The following TUSC3 variants were observed in gnomAD, a reference collection of about 807,000 sequenced individuals.
The protein encoded by TUSC3 is tumor suppressor candidate 3.
In TUSC3, 45 loss-of-function variants were observed where a neutral mutation model predicts 44.8. The ratio of observed to expected loss-of-function variants is 1.00; its 90% confidence interval spans 0.79 to 1.29. The LOEUF (loss-of-function observed/expected upper bound fraction) is 1.29, where lower values mean the gene tolerates loss of function less well. TUSC3 is among the 50% of genes most tolerant of loss of function. The pLI is 0.00. For synonymous variants in TUSC3, 212 were observed against 152.9 expected (o/e 1.39, Z -2.85); for missense variants, 519 against 437.9 (o/e 1.19, Z -1.65).
rs184474972 is a variant in TUSC3, at chr8:15,674,350, A to G, written c.798+514A>G. Reference sequence around the variant, plus strand: ...CGTTAGTAACTGCCACCGAATTCACATAACTGAGTTTGTTGCCTTCTCTTT... The same window carrying G: ...CGTTAGTAACTGCCACCGAATTCACGTAACTGAGTTTGTTGCCTTCTCTTT... On this transcript the variant is annotated intron_variant, in intron 6 of 10. Transcript: ENST00000503731. 1.1e-4 allele frequency among the ~76,000 whole-genome samples: 16 copies of G among 152,212 alleles called. No individual in the cohort carries two copies. The East Asian group carries it at 2.3e-3, about 22-fold the overall frequency.
chr8:15,781,931 C>G, the TUSC3 span, among the ~76,000 whole-genome samples: 1 of 152,080 alleles, frequency 6.6e-6, no homozygotes, highest in South Asian at 2.1e-4. Flanking sequence ...TCAGGAGTTC[C>G]AGACCACCCT....
the TUSC3 span, among the ~76,000 whole-genome samples, chr8:15,836,096 A>G: frequency 5.3e-5 from 8 of 151,870 alleles, no homozygotes; most frequent in South Asian, 1.5e-3. Context: ...TTCTGTTTGC[A>G]TTTGCTTCAT....
chr8:15,543,496 G>A (rs1327247492), intron 1 of TUSC3, among the ~76,000 whole-genome samples: 1 of 151,982 alleles, frequency 6.6e-6, no homozygotes, highest in African/African-American at 2.4e-5. Flanking sequence ...CAAACTCTCT[G>A]CATTTTAGTT....
intron 1 of TUSC3, among the ~76,000 whole-genome samples, chr8:15,587,803 T>A (rs1314598200): frequency 6.6e-6 from 1 of 152,142 alleles, no homozygotes; most frequent in Non-Finnish European, 1.5e-5. Context: ...CACATATGAT[T>A]GAGAACATAT....
At chr8:15,580,749 C>T (rs1464764279) in intron 1 of TUSC3, among the ~76,000 whole-genome samples, 49 of 125,974 alleles carry the variant, frequency 3.9e-4, no homozygotes, top group Non-Finnish European at 7.2e-4. Flanking sequence ...CTGCCCTTAA[C>T]ATTTTTTCCT....
intron 5 of TUSC3, among the ~76,000 whole-genome samples, chr8:15,671,726 C>T (rs1807954115): frequency 6.6e-6 from 1 of 152,040 alleles, no homozygotes; most frequent in Non-Finnish European, 1.5e-5. Context: ...ATGTAAGCTT[C>T]CTAATGACAG....
chr8:15,812,532 G>C, the TUSC3 span, among the ~76,000 whole-genome samples: 3 of 152,146 alleles, frequency 2.0e-5, no homozygotes, highest in Non-Finnish European at 4.4e-5. Context: ...TTAGGTCACA[G>C]GTTTCATCTA....
intron 6 of TUSC3, among the ~76,000 whole-genome samples, chr8:15,709,411 T>G (rs574166987): frequency 3.9e-5 from 6 of 151,902 alleles, no homozygotes; most frequent in Non-Finnish European, 8.8e-5. Flanking sequence ...TACACGTATT[T>G]CCTCGTTCTC....
At chr8:15,442,088 G>T (rs1044482386) in intron 1 of TUSC3, among the ~76,000 whole-genome samples, 3 of 152,014 alleles carry the variant, frequency 2.0e-5, no homozygotes, top group African/African-American at 7.3e-5. Flanking sequence ...TATTAACACT[G>T]ACTCCAAACT....
chr8:15,719,620 G>T (rs1207193782), intron 6 of TUSC3, among the ~76,000 whole-genome samples: 1 of 151,744 alleles, frequency 6.6e-6, no homozygotes, highest in Admixed American at 6.6e-5. Flanking sequence ...AACTTGCCAT[G>T]TATTAGACAC....
the TUSC3 span, among the ~76,000 whole-genome samples, chr8:15,848,666 C>A: frequency 6.6e-6 from 1 of 152,292 alleles, no homozygotes; most frequent in South Asian, 2.1e-4. Flanking sequence ...AACCACTGTC[C>A]AGTGACAGTC....
chr8:15,807,430 G>A, the TUSC3 span: 16 of 219,134 alleles, frequency 7.3e-5, no homozygotes, highest in Non-Finnish European at 1.2e-4. Context: ...AATGGATTCA[G>A]CCACTGTGGA....
intron 1 of TUSC3, among the ~76,000 whole-genome samples, chr8:15,445,776 T>A (rs910330000): frequency 6.6e-6 from 1 of 152,234 alleles, no homozygotes; most frequent in East Asian, 1.9e-4. Context: ...TTCCCCCTTT[T>A]CTATTCGACA....
downstream of TUSC3, among the ~76,000 whole-genome samples, chr8:15,768,051 A>G (rs1227324160): frequency 1.3e-5 from 2 of 152,172 alleles, no homozygotes; most frequent in Admixed American, 6.5e-5. Context: ...CCCAGACCAA[A>G]CAGGAAGTGA....
chr8:15,575,669 A>G (rs1803071744), intron 1 of TUSC3, among the ~76,000 whole-genome samples: 1 of 152,118 alleles, frequency 6.6e-6, no homozygotes, highest in Non-Finnish European at 1.5e-5. Context: ...CCGGAAGCTG[A>G]GGCAGGAGAA....
At chr8:15,803,144 C>T in the TUSC3 span, among the ~76,000 whole-genome samples, 16 of 152,010 alleles carry the variant, frequency 1.1e-4, no homozygotes, top group African/African-American at 3.1e-4. Flanking sequence ...AACCAGTGCA[C>T]GAAGTGAACA....
chr8:15,518,922 G>T (rs1031805075), intron 2 of TUSC3, among the ~76,000 whole-genome samples: 1 of 152,102 alleles, frequency 6.6e-6, no homozygotes, highest in African/African-American at 2.4e-5. Context: ...ATTTGAAAAT[G>T]TTCAGTGAAC....
intron 2 of TUSC3, among the ~76,000 whole-genome samples, chr8:15,523,706 G>GTATATATATATATATATATATATA (rs1554509643): frequency 9.7e-5 from 11 of 112,832 alleles, no homozygotes; most frequent in Middle Eastern, 4.9e-3. Flanking sequence ...GTGTGTGTGT[G>GTATATATATATATATATATATATA]TGTATATATA....
intron 2 of TUSC3, among the ~76,000 whole-genome samples, chr8:15,529,422 A>G (rs1246504058): frequency 1.3e-5 from 2 of 152,196 alleles, no homozygotes; most frequent in African/African-American, 4.8e-5. Context: ...TATTATTACA[A>G]TACTTTAATT....
Sources: gnomAD v4.1 joint callset for allele counts (sites outside exome capture counted in the v4.1 genomes callset) on GRCh38, gnomAD v4.1.1 for gene constraint, MANE v1.5 for transcripts, NCBI Gene and HGNC (gene_info 2026-07-23, HGNC 2026-07-21) for gene names.